PTPRN2: variants seen among roughly 807,000 people sequenced by gnomAD.
PTPRN2 encodes protein tyrosine phosphatase receptor type N2.
In PTPRN2, 74 loss-of-function variants were observed where a neutral mutation model predicts 118.8. The observed-to-expected ratio is 0.62, with a 90% CI of 0.52 to 0.76. PTPRN2 has a LOEUF of 0.76. Among genes scored for constraint, PTPRN2 ranks in the 30% least tolerant of loss-of-function variants. The pLI is 0.00. For missense variants in PTPRN2, 1,481 were observed against 1,394.4 expected, an observed-to-expected ratio of 1.06 and a Z score of -0.99; for synonymous variants, 641 against 608.0, an observed-to-expected ratio of 1.05 and a Z score of -0.80.
intron 2 of PTPRN2, among the ~76,000 whole-genome samples, chr7:158,412,649 A>G (rs1392296959): frequency 8.1e-4 from 40 of 49,562 alleles, no homozygotes; most frequent in East Asian, 1.4e-3. Context: ...ACCCTCCTCA[A>G]CACCAGGGCC....
intron 1 of PTPRN2, among the ~76,000 whole-genome samples, chr7:158,503,943 G>A (rs1258586860): frequency 1.5e-4 from 22 of 151,208 alleles, no homozygotes; most frequent in Admixed American, 1.5e-3. Flanking sequence ...GGAGGTTGCA[G>A]TGAGCCACAC....
intron 11 of PTPRN2, among the ~76,000 whole-genome samples, chr7:157,941,603 C>T (rs1022535998): frequency 1.3e-5 from 2 of 152,214 alleles, no homozygotes; most frequent in South Asian, 2.1e-4. Flanking sequence ...TAAGAGTTAG[C>T]AGAGAGGGGC....
intron 11 of PTPRN2, among the ~76,000 whole-genome samples, chr7:158,044,244 C>T (rs978825416): frequency 6.6e-6 from 1 of 152,134 alleles, no homozygotes; most frequent in South Asian, 2.1e-4. Context: ...AGGGGGAATC[C>T]TGAAGCTGGT....
intron 11 of PTPRN2, among the ~76,000 whole-genome samples, chr7:158,055,023 G>T (rs1809675868): frequency 6.6e-6 from 1 of 152,228 alleles, no homozygotes. Context: ...CGAGGCAAGA[G>T]ACTGAGGGCA....
intron 1 of PTPRN2, among the ~76,000 whole-genome samples, chr7:158,575,749 C>T (rs1828286620): frequency 6.6e-6 from 1 of 152,138 alleles, no homozygotes; most frequent in Non-Finnish European, 1.5e-5. Context: ...ATTTTTCACA[C>T]AGTTGCATGT....
intron 3 of PTPRN2, among the ~76,000 whole-genome samples, chr7:158,220,130 C>G (rs1828246646): frequency 6.6e-6 from 1 of 151,984 alleles, no homozygotes; most frequent in Non-Finnish European, 1.5e-5. Flanking sequence ...AAACCTTCAA[C>G]AAATTAGGCA....
chr7:158,095,079 G>A (rs996792972), intron 10 of PTPRN2, among the ~76,000 whole-genome samples: 10 of 152,112 alleles, frequency 6.6e-5, no homozygotes, highest in African/African-American at 1.9e-4. Flanking sequence ...ATTCCTCCCT[G>A]CCCTGGGTTG....
intron 9 of PTPRN2, among the ~76,000 whole-genome samples, chr7:158,131,236 C>G (rs1818240681): frequency 6.9e-6 from 1 of 145,044 alleles, no homozygotes; most frequent in East Asian, 2.0e-4. Context: ...ACACACCCAA[C>G]AAACACACAT....
intron 12 of PTPRN2, among the ~76,000 whole-genome samples, chr7:157,737,082 A>G (rs1472503167): frequency 6.6e-6 from 1 of 152,276 alleles, no homozygotes; most frequent in African/African-American, 2.4e-5. Context: ...TTGGATAAAC[A>G]GAAGTGAACT....
chr7:157,544,550 G>A (rs1331910929), intron 22 of PTPRN2, among the ~76,000 whole-genome samples: 1 of 152,196 alleles, frequency 6.6e-6, no homozygotes, highest in Non-Finnish European at 1.5e-5. Flanking sequence ...AGTGAGGAGG[G>A]GGCGGGGCCT....
chr7:158,385,964 T>C, intron 2 of PTPRN2, among the ~76,000 whole-genome samples: 1 of 138,556 alleles, frequency 7.2e-6, no homozygotes, highest in African/African-American at 2.7e-5. Flanking sequence ...TCCCTATTTC[T>C]GTGCCCCTCC....
At chr7:158,038,001 T>C (rs1808205184) in intron 11 of PTPRN2, among the ~76,000 whole-genome samples, 1 of 152,134 alleles carries the variant, frequency 6.6e-6, no homozygotes, top group African/African-American at 2.4e-5. Context: ...GGGTCTCACT[T>C]GGGAGGAGAT....
intron 1 of PTPRN2, among the ~76,000 whole-genome samples, chr7:158,505,607 G>C (rs1267094397): frequency 6.6e-6 from 1 of 152,124 alleles, no homozygotes; most frequent in African/African-American, 2.4e-5. Flanking sequence ...ATGTATTTCT[G>C]CCTCTGCCTT....
chr7:158,190,773 C>A (rs73173694), intron 5 of PTPRN2, among the ~76,000 whole-genome samples: 26,815 of 152,312 alleles, frequency 0.18, 2,631 homozygotes, highest in Non-Finnish European at 0.23. Context: ...CCCCGTGGCC[C>A]CTGCATGGCT....
At chr7:158,246,256 A>C (rs1186877848) in intron 3 of PTPRN2, among the ~76,000 whole-genome samples, 1 of 151,876 alleles carries the variant, frequency 6.6e-6, no homozygotes, top group Non-Finnish European at 1.5e-5. Context: ...AAAACTCATC[A>C]CTTGAAGGAA....
intron 2 of PTPRN2, among the ~76,000 whole-genome samples, chr7:158,337,718 CCG>C: frequency 6.6e-6 from 1 of 150,916 alleles, no homozygotes; most frequent in Non-Finnish European, 1.5e-5. Flanking sequence ...GAGCTGACGC[CCG>C]CAGACGTCAC....
intron 11 of PTPRN2, among the ~76,000 whole-genome samples, chr7:157,992,734 A>G (rs1585157617): frequency 6.6e-6 from 1 of 152,214 alleles, no homozygotes; most frequent in African/African-American, 2.4e-5. Context: ...GCCCCCAGGC[A>G]CCGTGGCCAC....
Position 157,671,080 on chromosome 7 carries a change from T to G in PTPRN2, c.2001+11645A>C, listed in dbSNP as rs558518906. ...GGACCTGAGAATTGCACAGGATGGT[T>G]TCCAAGAGGGTTTACATGCTCCCCC... is the stretch of plus-strand genomic sequence containing the variant. On this transcript the variant is annotated intron_variant, in intron 13 of 22. Transcript: ENST00000389418. The surrounding 1 kb of genome is among the most constrained non-coding windows in gnomAD (Gnocchi z 4.1). Among the ~76,000 whole-genome samples the G allele has an allele frequency of 3.2e-4, 49 of 152,270 alleles. No homozygotes were observed. The South Asian group carries it at 9.1e-3, about 28-fold the overall frequency.
chr7:158,167,048 G>C lies in PTPRN2; in HGVS notation c.793C>G (p.Pro265Ala). Residue 265 changes from proline (P) to alanine (A), a missense_variant, in exon 6 of 23, where the codon CCA becomes GCA. By Grantham distance (27) the Pro-to-Ala change is conservative (BLOSUM62 -1). Around this residue, in one of 3 missense-constraint regions of PTPRN2, gnomAD observed 1,115 missense variants for 994.2 expected, o/e 1.12. Transcript: ENST00000389418. The stretch of plus-strand genomic sequence containing the variant: ...GAGGGTGCACGCAGAAGGTACTGTG[G>C]CTCCAGGCTGCCCTCCCCGGGGGGA... ...PAPPGEGSLE[P>A]QYLLRAPSRM... is the part of the protein sequence containing the mutation. 1 of 1,565,660 alleles carries C rather than the reference G, an allele frequency of 6.4e-7. No homozygotes were observed. The highest frequency in any genetic ancestry group is 1.2e-5 in the South Asian group (1 of 84,946).
Sources: allele counts gnomAD v4.1 joint callset (sites outside exome capture counted in the v4.1 genomes callset), GRCh38; gene constraint gnomAD v4.1.1; regional missense constraint gnomAD v4.1.1; non-coding constraint Gnocchi (gnomAD v3.1); transcripts MANE v1.5; gene names NCBI Gene and HGNC (gene_info 2026-07-23, HGNC 2026-07-21).